Variants in DNAAF9 observed in about 807,000 individuals in gnomAD.
The protein encoded by DNAAF9 is shulin.
In DNAAF9, 90 loss-of-function variants were observed where a neutral mutation model predicts 167.0. The ratio of observed to expected loss-of-function variants is 0.54; its 90% confidence interval spans 0.45 to 0.64. The LOEUF (loss-of-function observed/expected upper bound fraction) is 0.64, where lower values mean the gene tolerates loss of function less well. Ranked by LOEUF, DNAAF9 falls within the 30% of genes least tolerant of loss-of-function variation. The pLI, the probability that DNAAF9 is intolerant of heterozygous loss-of-function variation, is 0.00. For synonymous variants in DNAAF9, 491 were observed against 508.8 expected (o/e 0.96, Z 0.47); for missense variants, 1,315 against 1,442.2 (o/e 0.91, Z 1.43).
chr20:3,380,725 T>G (rs957569864), intron 3 of DNAAF9, among the ~76,000 whole-genome samples: 1 of 152,196 alleles, frequency 6.6e-6, no homozygotes, highest in Non-Finnish European at 1.5e-5. Context: ...CCACTTTTAT[T>G]TTGTCTATTC....
chr20:3,306,996 C>G, intron 20 of DNAAF9: 1 of 985,388 alleles, frequency 1.0e-6, no homozygotes, highest in Non-Finnish European at 1.2e-6. Flanking sequence ...TACATTTGTA[C>G]TTTTGAAGTG....
intron 6 of DNAAF9, among the ~76,000 whole-genome samples, chr20:3,370,949 G>A (rs1336075917): frequency 6.6e-6 from 1 of 152,096 alleles, no homozygotes; most frequent in Non-Finnish European, 1.5e-5. Flanking sequence ...AGAGGAGAGC[G>A]GTAGAGGGAG....
At chr20:3,353,966 T>C (rs570685554) in intron 7 of DNAAF9, among the ~76,000 whole-genome samples, 4 of 152,226 alleles carry the variant, frequency 2.6e-5, no homozygotes, top group Admixed American at 6.5e-5. Context: ...TTTAGCTCCA[T>C]GCACATTCTA....
At chr20:3,342,148 C>T (rs2070099636) in intron 9 of DNAAF9, among the ~76,000 whole-genome samples, 1 of 152,144 alleles carries the variant, frequency 6.6e-6, no homozygotes, top group African/African-American at 2.4e-5. Flanking sequence ...TGAACTTTCT[C>T]AGCTCCATAG....
chr20:3,360,579 G>A (rs1180233705), intron 6 of DNAAF9, among the ~76,000 whole-genome samples: 1 of 152,146 alleles, frequency 6.6e-6, no homozygotes. Flanking sequence ...GAAAGACGCA[G>A]CAATTTGCCA....
At chr20:3,386,327 C>A (rs567073768) in intron 1 of DNAAF9, among the ~76,000 whole-genome samples, 2 of 152,142 alleles carry the variant, frequency 1.3e-5, no homozygotes, top group African/African-American at 2.4e-5. Flanking sequence ...AGCAGACCCA[C>A]ACAAGTACAA....
chr20:3,337,440 G>T (rs201340464), intron 10 of DNAAF9, among the ~76,000 whole-genome samples: 154 of 134,318 alleles, frequency 1.1e-3, no homozygotes, highest in South Asian at 1.6e-3. Flanking sequence ...CTTTTTTTTT[G>T]TTTTTTTTTT....
intron 1 of DNAAF9, among the ~76,000 whole-genome samples, chr20:3,402,095 T>A (rs1015951405): frequency 2.0e-5 from 3 of 152,198 alleles, no homozygotes; most frequent in African/African-American, 7.2e-5. Flanking sequence ...TGCAGAATTC[T>A]GGGTGGGAAT....
intron 29 of DNAAF9, 49 bp downstream of exon 29, chr20:3,278,863 C>G: frequency 7.7e-7 from 1 of 1,306,046 alleles, no homozygotes; most frequent in East Asian, 2.3e-5. Flanking sequence ...TTGCTGAATT[C>G]TACTGAACTT....
chr20:3,383,801 C>CTT (rs11464653), intron 1 of DNAAF9, among the ~76,000 whole-genome samples: 1,456 of 141,216 alleles, frequency 0.01, 26 homozygotes, highest in East Asian at 0.018. Context: ...CCACTGGATT[C>CTT]TTTTTTTTTT....
rs765194129 is a variant in DNAAF9 at position 3,256,065 on chromosome 20, T to C, written c.3202A>G (p.Ile1068Val). The C allele has an allele frequency of 3.1e-6, 5 of 1,614,024 alleles. No individual in the cohort carries two copies. The South Asian group carries it at 5.5e-5, about 18-fold the overall frequency. ...SGQQECYLVF[I>V]GCSLKEDSIK... ...CTGTCTTCCTTCAGGGAGCAGCCGA[T>C]GAACACAAGGTAGCACTCCTGCTGC... The change falls in exon 34 of 37, where the codon ATC (isoleucine) becomes GTC (valine). Residue 1068 changes from isoleucine (I) to valine (V), a missense_variant. By Grantham distance (29) the Ile-to-Val change is conservative. Transcript: ENST00000252032.
At chr20:3,296,712 G>A (rs901520450) in intron 23 of DNAAF9, 149 bp downstream of exon 23, 10 of 647,936 alleles carry the variant, frequency 1.5e-5, no homozygotes, top group Non-Finnish European at 2.2e-5. Flanking sequence ...CAAGGGCACC[G>A]GCTACCTGCA....
Position 3,322,713 on chromosome 20 carries a change from A to C in DNAAF9, c.1266-17T>G, listed in dbSNP as rs761924951. ...ATCTTGGAGCTGTAGACCAGAAACA[A>C]AACAAAAGAAAAATCAGTCTGCTCC... is the stretch of plus-strand genomic sequence containing the variant. On this transcript the variant is annotated splice_polypyrimidine_tract_variant and intron_variant, in intron 14 of 36. Coordinates refer to ENST00000252032, the MANE Select transcript of DNAAF9 (RefSeq NM_001009984.3). 1.2e-6 allele frequency: 2 copies of C among 1,603,728 alleles called. No individual in the cohort carries two copies. The highest frequency in any genetic ancestry group is 4.5e-5 in the East Asian group (2 of 44,832).
chr20:3,308,492 G>A (rs571326165), intron 20 of DNAAF9, among the ~76,000 whole-genome samples: 9 of 151,682 alleles, frequency 5.9e-5, no homozygotes, highest in Admixed American at 5.3e-4. Context: ...ACAGGCATGC[G>A]CCACCACGGT....
At position 3,315,649 on chromosome 20, in the gene DNAAF9, T is replaced by G; in HGVS notation, c.1590+86A>C. 3.9e-6 allele frequency: 4 copies of G among 1,013,662 alleles called. No individual in the cohort carries two copies. Among genetic ancestry groups the G allele is most frequent in the Non-Finnish European group, 6.3e-6 (4 of 633,864 alleles). 62.8% of individuals were successfully genotyped at this position (1,013,662 alleles called of 1,614,324 possible). ...TAGTGCAAGTCTTTTAGATTAGTAG[T>G]GAGATGAAGCATTTTAATACCTTTA... On this transcript the variant is annotated intron_variant, in intron 19 of 36. Coordinates refer to ENST00000252032, the MANE Select transcript of DNAAF9 (RefSeq NM_001009984.3). The surrounding 1 kb of genome is among the most constrained non-coding windows in gnomAD (Gnocchi z 4.1).
intron 8 of DNAAF9, among the ~76,000 whole-genome samples, chr20:3,344,639 A>ACACC (rs1048539139): frequency 2.3e-5 from 3 of 129,952 alleles, no homozygotes; most frequent in Non-Finnish European, 3.3e-5. Context: ...ACACACACAC[A>ACACC]CCTCATGTAG....
chr20:3,346,545 G>A (rs578164211), intron 8 of DNAAF9, among the ~76,000 whole-genome samples: 19 of 152,176 alleles, frequency 1.2e-4, no homozygotes, highest in South Asian at 6.2e-4. Context: ...AAAGGACTGC[G>A]AGAGAGTTCC....
chr20:3,362,400 C>T (rs2083375651), intron 6 of DNAAF9: 2 of 459,156 alleles, frequency 4.4e-6, no homozygotes, highest in African/African-American at 2.0e-5. Context: ...ATATTATTTA[C>T]TGCAGGCTAA....
chr20:3,332,199 T>A (rs546953499), intron 11 of DNAAF9, 81 bp downstream of exon 11: 1 of 769,526 alleles, frequency 1.3e-6, no homozygotes, highest in African/African-American at 1.7e-5. Flanking sequence ...AGCAAAGTAG[T>A]GAATTGTATG....
Sources: gnomAD v4.1 joint callset for allele counts (sites outside exome capture counted in the v4.1 genomes callset) on GRCh38, gnomAD v4.1.1 for gene constraint, Gnocchi (gnomAD v3.1) non-coding constraint, MANE v1.5 for transcripts, NCBI Gene and HGNC (gene_info 2026-07-23, HGNC 2026-07-21) for gene names.